The following SMG1 variants were observed in gnomAD, a reference collection of about 807,000 sequenced individuals.
SMG1 encodes serine/threonine-protein kinase SMG1.
In SMG1, 22 loss-of-function variants were observed where a neutral mutation model predicts 419.9. That is an observed-to-expected ratio of 0.05 (90% confidence interval 0.04 to 0.07). SMG1 has a LOEUF of 0.07. Among genes scored for constraint, SMG1 ranks in the 10% least tolerant of loss-of-function variants. The pLI, the probability that SMG1 is intolerant of heterozygous loss-of-function variation, is 1.00. For missense variants in SMG1, 3,185 were observed against 4,342.0 expected (o/e 0.73, Z 7.49); for synonymous variants, 1,538 against 1,553.5 (o/e 0.99, Z 0.23).
In SMG1 at chr16:18,836,185, G is replaced by A. The variant is rs780033350; in HGVS notation, c.7805C>T (p.Ala2602Val). 5.0e-6 allele frequency: 8 copies of A among 1,611,892 alleles called. No individual in the cohort carries two copies. Among genetic ancestry groups the A allele is most frequent in the Non-Finnish European group, 6.8e-6 (8 of 1,178,954 alleles). ...LGPPSYVPAT[A>V]FLQNAGQAHL... Reference sequence around the variant, plus strand: ...GGCCTGACCAGCATTCTGCAGAAAGGCTGTTGCTGGCACGTAACTTGGAGG... The same window carrying A: ...GGCCTGACCAGCATTCTGCAGAAAGACTGTTGCTGGCACGTAACTTGGAGG... The change falls in exon 48 of 63, where the codon GCC becomes GTC. Residue 2602 changes from alanine (A) to valine (V), a missense_variant. By Grantham distance (64) the Ala-to-Val change is moderately conservative. This residue lies in a region of SMG1 where 412 missense variants were observed against 546.6 expected (regional missense o/e 0.75). Coordinates refer to ENST00000446231, the MANE Select transcript of SMG1 (RefSeq NM_015092.5).
intron 1 of SMG1, among the ~76,000 whole-genome samples, chr16:18,898,138 T>C (rs539622473): frequency 6.6e-6 from 1 of 152,326 alleles, no homozygotes; most frequent in African/African-American, 2.4e-5. Context: ...AACATAAAAC[T>C]TAGCATGAGC....
Position 18,834,286 on chromosome 16 carries a change from A to G in SMG1, c.8483T>C (p.Val2828Ala), listed in dbSNP as rs2033407042. Reference sequence around the variant, plus strand: ...GTTCGGGATATCTAAGTCCTGTGGCACCAGGTGGCACTGCTTCAGTAACTG... The same window carrying G: ...GTTCGGGATATCTAAGTCCTGTGGCGCCAGGTGGCACTGCTTCAGTAACTG... ...LVQLLKQCHL[V>A]PQDLDIPNPM... Residue 2828 changes from valine to alanine, a missense_variant, in exon 50 of 63, where the codon GTG becomes GCG. Transcript: ENST00000446231. The G allele has an allele frequency of 6.2e-7, 1 of 1,611,750 alleles. No individual in the cohort carries two copies. The highest frequency in any genetic ancestry group is 1.3e-5 in the African/African-American group (1 of 74,996).
At chr16:18,888,164 CAAAAAAAAAAA>C (rs991748168) in intron 6 of SMG1, among the ~76,000 whole-genome samples, 5 of 41,212 alleles carry the variant, frequency 1.2e-4, no homozygotes, top group Admixed American at 3.4e-4. Context: ...GACTCTGCAT[CAAAAAAAAAAA>C]AAAAAAAAAA....
At chr16:18,836,660 C>G (rs1047909318) in intron 46 of SMG1, 128 bp from the exon 47 acceptor site, 1 of 883,580 alleles carries the variant, frequency 1.1e-6, no homozygotes, top group African/African-American at 1.7e-5. Flanking sequence ...GGGCCCTCCT[C>G]AAATGTCCCT....
chr16:18,924,997 GT>G (rs1310286202), intron 1 of SMG1: 1 of 152,126 alleles, frequency 6.6e-6, no homozygotes, highest in Non-Finnish European at 1.5e-5. Context: ...AAGTAGGAGA[GT>G]TCCATGAATC....
intron 16 of SMG1, 113 bp from the exon 17 acceptor site, chr16:18,871,001 T>C (rs1177874470): frequency 6.0e-5 from 40 of 668,426 alleles, no homozygotes; most frequent in East Asian, 5.2e-4. Context: ...GTGCCTACTA[T>C]AGACTAGGCA....
intron 54 of SMG1, 37 bp from the exon 55 acceptor site, chr16:18,828,205 G>T: frequency 6.3e-7 from 1 of 1,597,318 alleles, no homozygotes; most frequent in Non-Finnish European, 8.5e-7. Flanking sequence ...AAATCAGCAG[G>T]AAAAAAGCGT....
rs1187183927 is a variant in SMG1 at position 18,841,634 on chromosome 16, A to G, written c.6627T>C (p.Asp2209=). The G allele has an allele frequency of 1.2e-6, 2 of 1,613,996 alleles. No homozygotes were observed. The highest frequency in any genetic ancestry group is 1.7e-6 in the Non-Finnish European group (2 of 1,179,890). The change falls in exon 41 of 63, where the codon GAT becomes GAC. Residue 2209 remains aspartate, a synonymous_variant. Transcript: ENST00000446231. Reference sequence around the variant, plus strand: ...AAAGACCAAATAAGGGTGTGGCTCCATCTACCCACTGGATTAGTCCTGATC... The same window carrying G: ...AAAGACCAAATAAGGGTGTGGCTCCGTCTACCCACTGGATTAGTCCTGATC... The part of the protein sequence containing the change: ...GTRSGLIQWV[D]GATPLFGLYK...
chr16:18,887,802 C>T (rs1489168609), intron 6 of SMG1, among the ~76,000 whole-genome samples: 1 of 73,656 alleles, frequency 1.4e-5, no homozygotes, highest in Non-Finnish European at 2.5e-5. Context: ...AAAAAAAACC[C>T]TAATATCAGA....
chr16:18,833,297 CTT>C (rs2033334642), intron 50 of SMG1, 131 bp from the exon 51 acceptor site: 2 of 586,468 alleles, frequency 3.4e-6, no homozygotes, highest in Non-Finnish European at 5.9e-6. Flanking sequence ...GTAAGTACAT[CTT>C]TTGTTTACTT....
rs746488484 is a variant in SMG1 at position 18,834,296 on chromosome 16, A to G, written c.8473T>C (p.Cys2825Arg). 3 of 1,612,362 alleles carry G rather than the reference A, an allele frequency of 1.9e-6. No individual in the cohort carries two copies. Among genetic ancestry groups the G allele is most frequent in the Non-Finnish European group, 2.5e-6 (3 of 1,179,234 alleles). Reference protein sequence around the residue: ...VTCLVQLLKQCHLVPQDLDIP... With the variant: ...VTCLVQLLKQRHLVPQDLDIP... ...TCTAAGTCCTGTGGCACCAGGTGGC[A>G]CTGCTTCAGTAACTGAACCAAGCAG... is the stretch of plus-strand genomic sequence containing the variant. The change falls in exon 50 of 63, where the codon TGC becomes CGC. Residue 2825 changes from cysteine (C) to arginine (R), a missense_variant. By Grantham distance (180) the Cys-to-Arg change is radical. Coordinates refer to ENST00000446231, the MANE Select transcript of SMG1 (RefSeq NM_015092.5).
rs111608950 is a variant in SMG1, at chr16:18,831,612, C to A, written c.8793-1243G>T. 2.2e-3 allele frequency among the ~76,000 whole-genome samples: 327 copies of A among 151,274 alleles called. 1 individual carries two copies. Among genetic ancestry groups the A allele is most frequent in the Non-Finnish European group, 3.5e-3 (237 of 67,896 alleles). Reference sequence around the variant, plus strand: ...TATTAATGATTATACTTTTTCTAGCCGGGCATGGGGGCATACGTCCATAGT... The same window carrying A: ...TATTAATGATTATACTTTTTCTAGCAGGGCATGGGGGCATACGTCCATAGT... On this transcript the variant is annotated intron_variant, in intron 51 of 62. Transcript: ENST00000446231.
Position 18,870,723 on chromosome 16 carries a change from C to A in SMG1, c.2391-12G>T, listed in dbSNP as rs372478473. 3.1e-6 allele frequency: 5 copies of A among 1,598,366 alleles called. No homozygotes were observed. The highest frequency in any genetic ancestry group is 1.7e-5 in the Admixed American group (1 of 58,358). On this transcript the variant is annotated splice_polypyrimidine_tract_variant and intron_variant, in intron 17 of 62. Transcript: ENST00000446231. ...AAACATCGACACATCTATGAAAGAA[C>A]GAAATAGACAAAGCAGGTGTGTTAA...
chr16:18,867,628 AAT>A (rs1171487249), intron 22 of SMG1, among the ~76,000 whole-genome samples: 1 of 151,706 alleles, frequency 6.6e-6, no homozygotes, highest in Non-Finnish European at 1.5e-5. Context: ...GCACGTAAGA[AAT>A]ATAGTTTTAA....
chr16:18,887,516 C>CTTTGTTT (rs749197007), intron 6 of SMG1, among the ~76,000 whole-genome samples: 3 of 110,138 alleles, frequency 2.7e-5, no homozygotes, highest in East Asian at 2.5e-4. Flanking sequence ...TTTTTTTTTC[C>CTTTGTTT]TTTTTTTTTT....
chr16:18,856,994 G>T (rs1278084826), intron 29 of SMG1: 2 of 152,052 alleles, frequency 1.3e-5, no homozygotes, highest in Admixed American at 6.6e-5. Context: ...ATCCTTACAA[G>T]TATCTCAAAA....
chr16:18,853,786 G>C lies in SMG1; in HGVS notation c.4565C>G (p.Ala1522Gly). ...CKSVKAEYAV[A>G]KSILTLAKWI... is the part of the protein sequence containing the mutation. ...TTTAGCCAGTGTCAGAATTGATTTA[G>C]CAACTGCATATTCAGCTTTCACAGA... is the stretch of plus-strand genomic sequence containing the variant. Residue 1522 changes from alanine (A) to glycine (G), a missense_variant, in exon 31 of 63, where the codon GCT becomes GGT. Ala to Gly is a moderately conservative substitution (Grantham distance 60). Coordinates refer to ENST00000446231, the MANE Select transcript of SMG1 (RefSeq NM_015092.5). The C allele has an allele frequency of 1.2e-6, 2 of 1,613,810 alleles. No individual in the cohort carries two copies. The highest frequency in any genetic ancestry group is 1.7e-6 in the Non-Finnish European group (2 of 1,179,822).
intron 41 of SMG1, 104 bp downstream of exon 41, chr16:18,841,461 T>G (rs2033922519): frequency 9.4e-7 from 1 of 1,060,756 alleles, no homozygotes; most frequent in African/African-American, 1.6e-5. Context: ...GTCTTTTCCT[T>G]CTTTAACTGC....
At chr16:18,905,758 C>T (rs540926596) in intron 1 of SMG1, among the ~76,000 whole-genome samples, 1 of 151,858 alleles carries the variant, frequency 6.6e-6, no homozygotes, top group South Asian at 2.1e-4. Flanking sequence ...ATTACAGGCC[C>T]CTGCTACCAC....
Sources: allele counts gnomAD v4.1 joint callset (sites outside exome capture counted in the v4.1 genomes callset), GRCh38; gene constraint gnomAD v4.1.1; regional missense constraint gnomAD v4.1.1; transcripts MANE v1.5; gene names NCBI Gene and HGNC (gene_info 2026-07-23, HGNC 2026-07-21).